The following PLCB1 variants were observed in gnomAD, a reference collection of about 807,000 sequenced individuals.
The protein encoded by PLCB1 is 1-phosphatidylinositol 4,5-bisphosphate phosphodiesterase beta-1.
Under a neutral mutation model 161.8 loss-of-function variants are expected in PLCB1, and 46 were observed. The ratio of observed to expected loss-of-function variants is 0.28; its 90% CI spans 0.22 to 0.36. PLCB1 has a LOEUF of 0.36. PLCB1 is among the 10% of genes least tolerant of loss of function. The pLI is 1.00. For missense variants in PLCB1, 1,016 were observed against 1,472.5 expected (o/e 0.69, Z 5.07); for synonymous variants, 517 against 503.7 (o/e 1.03, Z -0.35).
intron 2 of PLCB1, among the ~76,000 whole-genome samples, chr20:8,234,873 T>C (rs923965096): frequency 6.6e-6 from 1 of 152,152 alleles, no homozygotes; most frequent in Admixed American, 6.6e-5. Flanking sequence ...TCACCCGGAA[T>C]ATAATGCTTA....
At chr20:8,826,885 T>A (rs6056183) in intron 31 of PLCB1, among the ~76,000 whole-genome samples, 2 of 152,040 alleles carry the variant, frequency 1.3e-5, no homozygotes, top group Non-Finnish European at 2.9e-5. Flanking sequence ...TTTCAGTGGT[T>A]GGCTTCTCTG....
intron 3 of PLCB1, among the ~76,000 whole-genome samples, chr20:8,435,529 T>A (rs1298419564): frequency 6.6e-6 from 1 of 152,186 alleles, no homozygotes; most frequent in African/African-American, 2.4e-5. Context: ...AGTTAGTGGC[T>A]CTTTTGGAGA....
intron 2 of PLCB1, among the ~76,000 whole-genome samples, chr20:8,197,411 A>C (rs1200888239): frequency 2.6e-5 from 4 of 152,172 alleles, no homozygotes; most frequent in African/African-American, 4.8e-5. Flanking sequence ...TCTGATGGCC[A>C]GTGATGATGA....
At chr20:8,787,233 C>T (rs746752178) in intron 27 of PLCB1, among the ~76,000 whole-genome samples, 35 of 152,180 alleles carry the variant, frequency 2.3e-4, no homozygotes, top group Non-Finnish European at 4.6e-4. Context: ...GTGCTTCCCA[C>T]CTTGCAGATT....
intron 3 of PLCB1, among the ~76,000 whole-genome samples, chr20:8,406,300 A>G (rs956826861): frequency 1.3e-5 from 2 of 152,240 alleles, no homozygotes; most frequent in African/African-American, 4.8e-5. Context: ...ACTGGATGTA[A>G]TGAAAACAAA....
intron 3 of PLCB1, among the ~76,000 whole-genome samples, chr20:8,454,183 C>T (rs1357345923): frequency 6.6e-6 from 1 of 152,120 alleles, no homozygotes; most frequent in Non-Finnish European, 1.5e-5. Context: ...GTTATGGCAG[C>T]CCGAGCTCAC....
intron 9 of PLCB1, among the ~76,000 whole-genome samples, chr20:8,672,285 C>T (rs1479190305): frequency 2.0e-5 from 3 of 152,092 alleles, no homozygotes; most frequent in African/African-American, 7.2e-5. Flanking sequence ...TGAGTTAATA[C>T]TTGCATATAG....
At chr20:8,369,965 A>G (rs1986852565) in intron 2 of PLCB1, among the ~76,000 whole-genome samples, 1 of 152,220 alleles carries the variant, frequency 6.6e-6, no homozygotes, top group Non-Finnish European at 1.5e-5. Context: ...TGGAACTGGC[A>G]GCAGCTGTTT....
chr20:8,379,628 T>C (rs6055779), intron 3 of PLCB1, among the ~76,000 whole-genome samples: 16,852 of 152,186 alleles, frequency 0.11, 1,399 homozygotes, highest in African/African-American at 0.23. Context: ...TTCTTCACTT[T>C]TTAATAATCA....
intron 3 of PLCB1, among the ~76,000 whole-genome samples, chr20:8,442,691 G>A (rs972162525): frequency 2.6e-5 from 4 of 152,124 alleles, no homozygotes; most frequent in Non-Finnish European, 4.4e-5. Context: ...GACATTTCTT[G>A]AGTTATCAAA....
intron 2 of PLCB1, among the ~76,000 whole-genome samples, chr20:8,297,970 CAGT>C (rs1983715445): frequency 2.0e-5 from 3 of 150,488 alleles, no homozygotes; most frequent in African/African-American, 7.4e-5. Context: ...TTTTAAATCA[CAGT>C]CCCCATCAAA....
intron 2 of PLCB1, among the ~76,000 whole-genome samples, chr20:8,294,138 A>G (rs796869492): frequency 6.6e-6 from 1 of 152,294 alleles, no homozygotes; most frequent in East Asian, 1.9e-4. Context: ...TAAATTATAT[A>G]TTTAGAAAAA....
At chr20:8,594,272 A>C in intron 3 of PLCB1, among the ~76,000 whole-genome samples, 1 of 152,166 alleles carries the variant, frequency 6.6e-6, no homozygotes, top group East Asian at 1.9e-4. Flanking sequence ...CCGAAAATAA[A>C]ACTCTCTTGA....
At chr20:8,440,751 TAAC>T (rs1247467883) in intron 3 of PLCB1, among the ~76,000 whole-genome samples, 1 of 152,080 alleles carries the variant, frequency 6.6e-6, no homozygotes, top group Non-Finnish European at 1.5e-5. Flanking sequence ...AGACTAAAGT[TAAC>T]AATCATATGG....
intron 3 of PLCB1, among the ~76,000 whole-genome samples, chr20:8,499,629 A>G (rs768942723): frequency 4.6e-5 from 7 of 152,194 alleles, no homozygotes; most frequent in Non-Finnish European, 1.0e-4. Flanking sequence ...GCCAATATCT[A>G]CCCTTTAAAA....
chr20:8,328,636 T>A lies in PLCB1; in HGVS notation c.178-42746T>A, dbSNP rs115521929. ...AATTATATAAACTTTACAAATTAAA[T>A]GAGCATGTATATATAAAAAATAATA... On this transcript the variant is annotated intron_variant, in intron 2 of 31. Transcript: ENST00000338037. 5.7e-3 allele frequency among the ~76,000 whole-genome samples: 872 copies of A among 151,712 alleles called. 6 individuals carry two copies. The highest frequency in any genetic ancestry group is 0.019 in the African/African-American group (799 of 41,482).
intron 31 of PLCB1, among the ~76,000 whole-genome samples, chr20:8,799,884 A>C (rs1388423071): frequency 6.6e-6 from 1 of 152,200 alleles, no homozygotes; most frequent in East Asian, 1.9e-4. Context: ...GTTCTACGTA[A>C]ATAGTGTTAT....
At chr20:8,516,664 CATATATATATATATATATAT>C (rs57237224) in intron 3 of PLCB1, among the ~76,000 whole-genome samples, 2,122 of 72,270 alleles carry the variant, frequency 0.029, 76 homozygotes, top group African/African-American at 0.08. Context: ...AATATAACAT[CATATATATATATATATATAT>C]ATATATATAT....
chr20:8,236,091 T>A (rs543372670), intron 2 of PLCB1, among the ~76,000 whole-genome samples: 2 of 152,264 alleles, frequency 1.3e-5, no homozygotes, highest in East Asian at 3.9e-4. Flanking sequence ...ATTTGAAATT[T>A]TTTGAAGAAA....
Sources: allele counts gnomAD v4.1 joint callset (sites outside exome capture counted in the v4.1 genomes callset), GRCh38; gene constraint gnomAD v4.1.1; transcripts MANE v1.5; gene names NCBI Gene and HGNC (gene_info 2026-07-23, HGNC 2026-07-21).